TNFSF4: variants seen among roughly 807,000 people sequenced by gnomAD.
TNFSF4 encodes the protein TNF superfamily member 4.
TNFSF4 carries 4 observed loss-of-function variants against 7.3 expected under a neutral mutation model. That is an observed-to-expected ratio of 0.55 (90% CI 0.27 to 1.25). The LOEUF is 1.25. Ranked by LOEUF, TNFSF4 falls within the 50% of genes most tolerant of loss-of-function variation. The probability of loss-of-function intolerance (pLI) is 0.12; values close to 1 mark genes in which losing one functional copy is unlikely to be tolerated. For missense variants in TNFSF4, 181 were observed against 208.8 expected (o/e 0.87, Z 0.82); for synonymous variants, 76 against 83.7 (o/e 0.91, Z 0.50).
chr1:173,290,333 G>C, the TNFSF4 span, among the ~76,000 whole-genome samples: 912 of 152,266 alleles, frequency 6.0e-3, 6 homozygotes, highest in African/African-American at 0.021. Context: ...ACTATCTACT[G>C]TCTTCAAGAG....
At chr1:173,419,837 C>G in the TNFSF4 span, among the ~76,000 whole-genome samples, 1 of 152,086 alleles carries the variant, frequency 6.6e-6, no homozygotes, top group Non-Finnish European at 1.5e-5. Context: ...AACTATAGCT[C>G]CTAGAGCTGA....
At chr1:173,230,832 C>G in the TNFSF4 span, among the ~76,000 whole-genome samples, 3 of 152,162 alleles carry the variant, frequency 2.0e-5, no homozygotes, top group Non-Finnish European at 4.4e-5. Flanking sequence ...CGCAAATAAA[C>G]TAGAAAATCT....
chr1:173,347,092 G>T, the TNFSF4 span, among the ~76,000 whole-genome samples: 10 of 152,206 alleles, frequency 6.6e-5, no homozygotes, highest in African/African-American at 2.4e-4. Context: ...GTGACTGGAA[G>T]TAGGTTAGTA....
chr1:173,349,779 C>T, the TNFSF4 span, among the ~76,000 whole-genome samples: 1 of 152,268 alleles, frequency 6.6e-6, no homozygotes, highest in East Asian at 1.9e-4. Context: ...TGGCCAAAAA[C>T]TCTTTATAGA....
downstream of TNFSF4, among the ~76,000 whole-genome samples, chr1:173,181,965 CA>C (rs1177311879): frequency 6.6e-6 from 1 of 151,856 alleles, no homozygotes; most frequent in African/African-American, 2.4e-5. Flanking sequence ...AAAGGGCTGC[CA>C]AAAAATATAT....
chr1:173,450,086 G>C, the TNFSF4 span, among the ~76,000 whole-genome samples: 1 of 151,976 alleles, frequency 6.6e-6, no homozygotes, highest in Admixed American at 6.6e-5. Flanking sequence ...AGAAATGAGA[G>C]AAGAAACATC....
At chr1:173,196,356 C>T (rs907865781) in intron 1 of TNFSF4, among the ~76,000 whole-genome samples, 2 of 152,156 alleles carry the variant, frequency 1.3e-5, no homozygotes, top group Admixed American at 1.3e-4. Flanking sequence ...AAAGAAAAGC[C>T]ATTTTAACTG....
At chr1:173,417,411 C>T in the TNFSF4 span, among the ~76,000 whole-genome samples, 1 of 152,238 alleles carries the variant, frequency 6.6e-6, no homozygotes, top group Admixed American at 6.5e-5. Context: ...GGCATTGTAG[C>T]AGGTTAAATA....
At chr1:173,275,899 C>T in the TNFSF4 span, among the ~76,000 whole-genome samples, 10 of 152,110 alleles carry the variant, frequency 6.6e-5, no homozygotes, top group Non-Finnish European at 1.2e-4. Flanking sequence ...ATTCTAGTAG[C>T]TTAACATATT....
chr1:173,245,479 A>T, the TNFSF4 span, among the ~76,000 whole-genome samples: 1 of 152,190 alleles, frequency 6.6e-6, no homozygotes, highest in East Asian at 1.9e-4. Context: ...ACACATAATA[A>T]CTATACATAT....
the TNFSF4 span, among the ~76,000 whole-genome samples, chr1:173,442,802 G>A: frequency 6.6e-6 from 1 of 151,784 alleles, no homozygotes; most frequent in East Asian, 1.9e-4. Flanking sequence ...GCTCGCCTCG[G>A]CCTCCCAAAG....
the TNFSF4 span, among the ~76,000 whole-genome samples, chr1:173,285,752 A>T: frequency 6.6e-6 from 1 of 152,182 alleles, no homozygotes; most frequent in East Asian, 1.9e-4. Context: ...AGCTGTGTAC[A>T]TTATTTTTAG....
At chr1:173,205,515 G>A (rs2102002570) in intron 1 of TNFSF4, 1 of 1,398,470 alleles carries the variant, frequency 7.2e-7, no homozygotes, top group Non-Finnish European at 9.3e-7. Context: ...CAGAGCCGTT[G>A]TGCAATCAGT....
chr1:173,415,313 AGTGG>A, the TNFSF4 span, among the ~76,000 whole-genome samples: 1 of 152,208 alleles, frequency 6.6e-6, no homozygotes, highest in African/African-American at 2.4e-5. Flanking sequence ...GAGGCAAGTG[AGTGG>A]GTGGGAGGAT....
the TNFSF4 span, among the ~76,000 whole-genome samples, chr1:173,232,546 C>A: frequency 3.3e-5 from 5 of 152,134 alleles, no homozygotes; most frequent in Non-Finnish European, 7.3e-5. Context: ...TGTCTTGTGC[C>A]AGTTTTCAAA....
At chr1:173,323,355 G>A in the TNFSF4 span, among the ~76,000 whole-genome samples, 1 of 152,112 alleles carries the variant, frequency 6.6e-6, no homozygotes, top group Admixed American at 6.5e-5. Flanking sequence ...CTAACAAACA[G>A]AAAGGACATC....
At chr1:173,291,228 C>T in the TNFSF4 span, among the ~76,000 whole-genome samples, 1 of 152,002 alleles carries the variant, frequency 6.6e-6, no homozygotes, top group African/African-American at 2.4e-5. Flanking sequence ...TGGGAGGAGG[C>T]GCCACACACT....
chr1:173,319,977 A>G, the TNFSF4 span, among the ~76,000 whole-genome samples: 1 of 152,196 alleles, frequency 6.6e-6, no homozygotes, highest in Non-Finnish European at 1.5e-5. Context: ...CCTCTCCATC[A>G]AGGGCACAAA....
intron 1 of TNFSF4, among the ~76,000 whole-genome samples, chr1:173,203,021 C>T (rs1306888435): frequency 6.6e-6 from 1 of 152,182 alleles, no homozygotes; most frequent in African/African-American, 2.4e-5. Flanking sequence ...TGTCCCCACC[C>T]TGCATCTTGA....
Sources: gnomAD v4.1 joint callset for allele counts (sites outside exome capture counted in the v4.1 genomes callset) on GRCh38, gnomAD v4.1.1 for gene constraint, MANE v1.5 for transcripts, NCBI Gene and HGNC (gene_info 2026-07-23, HGNC 2026-07-21) for gene names.